Variants in DGKB observed in about 807,000 individuals in gnomAD.
The protein encoded by DGKB is 90 kDa diacylglycerol kinase.
DGKB carries 67 observed loss-of-function variants against 114.3 expected under a neutral mutation model. The observed-to-expected ratio is 0.59, with a 90% CI of 0.48 to 0.72. The LOEUF (loss-of-function observed/expected upper bound fraction) is 0.72. DGKB is among the 30% of genes least tolerant of loss of function. DGKB has a pLI of 0.00. For missense variants in DGKB, 907 were observed against 975.2 expected (o/e 0.93, Z 0.93); for synonymous variants, 398 against 323.1 (o/e 1.23, Z -2.49).
intron 3 of DGKB, among the ~76,000 whole-genome samples, chr7:14,755,241 T>A (rs1364578449): frequency 6.6e-6 from 1 of 152,148 alleles, no homozygotes; most frequent in East Asian, 1.9e-4. Flanking sequence ...TTATACTTAA[T>A]ATTTTTTCTC....
At chr7:14,389,162 T>C (rs1014334340) in intron 21 of DGKB, among the ~76,000 whole-genome samples, 1 of 152,198 alleles carries the variant, frequency 6.6e-6, no homozygotes, top group African/African-American at 2.4e-5. Flanking sequence ...AGGCCTCTTT[T>C]GTGTGTCTGC....
chr7:14,166,499 G>C (rs1261777699), intron 25 of DGKB, among the ~76,000 whole-genome samples: 1 of 152,172 alleles, frequency 6.6e-6, no homozygotes, highest in Non-Finnish European at 1.5e-5. Flanking sequence ...ATCTGATGGA[G>C]AGAATTTAGC....
intron 23 of DGKB, among the ~76,000 whole-genome samples, chr7:14,264,186 G>A (rs1378681393): frequency 3.3e-5 from 5 of 152,194 alleles, no homozygotes; most frequent in Non-Finnish European, 7.4e-5. Flanking sequence ...TGGATTGACT[G>A]TTATATGTTC....
chr7:14,696,114 T>TA (rs919142237), intron 8 of DGKB, among the ~76,000 whole-genome samples: 1 of 152,102 alleles, frequency 6.6e-6, no homozygotes, highest in Admixed American at 6.5e-5. Context: ...CATCCTGATG[T>TA]CCTTTTTCTC....
At chr7:14,674,595 T>C (rs1312453380) in intron 12 of DGKB, among the ~76,000 whole-genome samples, 1 of 152,080 alleles carries the variant, frequency 6.6e-6, no homozygotes, top group African/African-American at 2.4e-5. Context: ...GTGAACTTAA[T>C]TGGAAATACG....
At chr7:14,673,061 C>G in intron 12 of DGKB, 34 bp from the exon 13 acceptor site, 1 of 1,297,698 alleles carries the variant, frequency 7.7e-7, no homozygotes, top group Non-Finnish European at 1.1e-6. Context: ...GTATCAAATT[C>G]TACATGACAA....
chr7:14,733,605 T>C (rs1831225790), intron 5 of DGKB, among the ~76,000 whole-genome samples: 1 of 152,054 alleles, frequency 6.6e-6, no homozygotes, highest in African/African-American at 2.4e-5. Context: ...GGAGGATCTC[T>C]TGAATCCAGA....
chr7:14,747,188 C>CTTTT (rs372925762), intron 4 of DGKB, among the ~76,000 whole-genome samples: 1 of 124,176 alleles, frequency 8.1e-6, no homozygotes, highest in Non-Finnish European at 1.6e-5. Flanking sequence ...ACACAAACCT[C>CTTTT]TTTTTTTTTT....
intron 2 of DGKB, among the ~76,000 whole-genome samples, chr7:14,766,521 A>G (rs1359550239): frequency 6.6e-6 from 1 of 151,896 alleles, no homozygotes; most frequent in Non-Finnish European, 1.5e-5. Flanking sequence ...CATGTTTGGA[A>G]TGAGGAGTCT....
intron 21 of DGKB, among the ~76,000 whole-genome samples, chr7:14,469,261 A>G (rs1780929044): frequency 6.6e-6 from 1 of 152,092 alleles, no homozygotes; most frequent in Admixed American, 6.6e-5. Flanking sequence ...TCTAGGCCTT[A>G]GCTGAATGCC....
chr7:14,955,151 T>G (rs779235999), intron 1 of DGKB, among the ~76,000 whole-genome samples: 5 of 151,936 alleles, frequency 3.3e-5, no homozygotes, highest in Non-Finnish European at 7.4e-5. Flanking sequence ...AGAATAAAAT[T>G]AGGAGATAAA....
At chr7:14,490,753 T>C (rs756250512) in intron 20 of DGKB, among the ~76,000 whole-genome samples, 12 of 152,168 alleles carry the variant, frequency 7.9e-5, no homozygotes, top group African/African-American at 1.2e-4. Context: ...AAGGTAATCA[T>C]TTATTCAGCG....
intron 1 of DGKB, among the ~76,000 whole-genome samples, chr7:14,925,865 TC>T (rs36061275): frequency 0.13 from 19,103 of 148,698 alleles, 1,540 homozygotes; most frequent in Non-Finnish European, 0.19. Flanking sequence ...AATAATTGGG[TC>T]CCCCCCCCAC....
chr7:14,525,615 T>G (rs1790515904), intron 20 of DGKB, among the ~76,000 whole-genome samples: 1 of 152,100 alleles, frequency 6.6e-6, no homozygotes, highest in Non-Finnish European at 1.5e-5. Context: ...ATTAGAGACA[T>G]AACACTGTTG....
intron 20 of DGKB, among the ~76,000 whole-genome samples, chr7:14,511,144 C>A (rs527820592): frequency 6.6e-6 from 1 of 152,316 alleles, no homozygotes; most frequent in East Asian, 1.9e-4. Context: ...GTCAGCCAGT[C>A]CTTTGAAGCT....
At chr7:14,947,738 T>C (rs1037660852) in intron 1 of DGKB, among the ~76,000 whole-genome samples, 2 of 151,646 alleles carry the variant, frequency 1.3e-5, no homozygotes, top group African/African-American at 2.4e-5. Flanking sequence ...GAGTGGTATA[T>C]ACTCAGTTCC....
intron 6 of DGKB, among the ~76,000 whole-genome samples, chr7:14,702,459 A>T (rs1298824567): frequency 2.0e-5 from 3 of 152,152 alleles, no homozygotes; most frequent in African/African-American, 2.4e-5. Context: ...TGTTTGAACT[A>T]ATCAAGTAAG....
chr7:14,622,992 A>T (rs932047791), intron 14 of DGKB, among the ~76,000 whole-genome samples: 1 of 152,248 alleles, frequency 6.6e-6, no homozygotes, highest in Admixed American at 6.5e-5. Context: ...TATTTATCTG[A>T]TTTGTTTAAT....
intron 6 of DGKB, among the ~76,000 whole-genome samples, chr7:14,703,337 C>G (rs902948487): frequency 2.6e-5 from 4 of 152,166 alleles, no homozygotes; most frequent in African/African-American, 7.2e-5. Context: ...AAACCCTGTT[C>G]TGATTTGTTG....
Sources: gnomAD v4.1 joint callset for allele counts (sites outside exome capture counted in the v4.1 genomes callset) on GRCh38, gnomAD v4.1.1 for gene constraint, MANE v1.5 for transcripts, NCBI Gene and HGNC (gene_info 2026-07-23, HGNC 2026-07-21) for gene names.